The following GAB1 variants were observed in gnomAD, a reference collection of about 807,000 sequenced individuals.
GAB1 encodes GRB2-associated-binding protein 1.
In GAB1, 19 loss-of-function variants were observed where a neutral mutation model predicts 66.5. The observed-to-expected ratio is 0.29, with a 90% confidence interval of 0.20 to 0.42. The LOEUF (loss-of-function observed/expected upper bound fraction) is 0.42, where lower values mean the gene tolerates loss of function less well. Ranked by LOEUF, GAB1 falls within the 10% of genes least tolerant of loss-of-function variation. The probability of loss-of-function intolerance (pLI) is 1.00; values close to 1 mark genes in which losing one functional copy is unlikely to be tolerated. For synonymous variants in GAB1, 294 were observed against 301.4 expected, an observed-to-expected ratio of 0.98 and a Z score of 0.25; for missense variants, 732 against 858.5, an observed-to-expected ratio of 0.85 and a Z score of 1.84.
chr4:143,362,300 T>C lies in GAB1; in HGVS notation c.72+25040T>C, dbSNP rs565973324. ...TTTCGTAATAGCAGCATCCATATGTTACCAGAAAGGGGTCCTGAGCCAGAC... is the reference window on the plus strand; with the variant it reads ...TTTCGTAATAGCAGCATCCATATGTCACCAGAAAGGGGTCCTGAGCCAGAC... On this transcript the variant is annotated intron_variant, in intron 1 of 9. Coordinates refer to ENST00000262994, the MANE Select transcript of GAB1 (RefSeq NM_002039.4). 5.2e-4 allele frequency among the ~76,000 whole-genome samples: 79 copies of C among 152,256 alleles called. 1 individual carries two copies. The highest frequency in any genetic ancestry group is 1.2e-3 in the South Asian group (6 of 4,826).
intron 6 of GAB1, among the ~76,000 whole-genome samples, chr4:143,452,966 A>G (rs990037382): frequency 3.9e-5 from 6 of 152,214 alleles, no homozygotes; most frequent in African/African-American, 9.6e-5. Flanking sequence ...TTCTTCAGCA[A>G]TCAGTAAAAC....
rs539649773 is a variant in GAB1 at position 143,464,426 on chromosome 4, C to T, written c.1804-1677C>T. Among the ~76,000 whole-genome samples, 42 of 152,138 alleles carry T rather than the reference C, an allele frequency of 2.8e-4. 1 individual carries two copies. The South Asian group carries it at 7.7e-3, about 28-fold the overall frequency. ...GTAGTTTTTAGTAGAGACGGGGTTT[C>T]ACCATGTTGGCCAGGCTGGTCTCAA... On this transcript the variant is annotated intron_variant, in intron 8 of 9. Transcript: ENST00000262994.
chr4:143,445,899 C>T (rs994484523), intron 6 of GAB1, among the ~76,000 whole-genome samples: 11 of 152,052 alleles, frequency 7.2e-5, no homozygotes, highest in African/African-American at 2.7e-4. Flanking sequence ...CCCATTAACT[C>T]GTCATTTAAC....
intron 3 of GAB1, among the ~76,000 whole-genome samples, chr4:143,435,646 C>T (rs1291477969): frequency 2.6e-5 from 4 of 152,128 alleles, no homozygotes; most frequent in Non-Finnish European, 4.4e-5. Flanking sequence ...CCACTATGTG[C>T]CCAATATTAT....
intron 1 of GAB1, among the ~76,000 whole-genome samples, chr4:143,383,316 A>G (rs957895895): frequency 2.6e-5 from 4 of 152,200 alleles, no homozygotes; most frequent in South Asian, 2.1e-4. Flanking sequence ...TGAGATTTCT[A>G]TATATGATTT....
intron 1 of GAB1, among the ~76,000 whole-genome samples, chr4:143,367,328 G>T (rs1269253701): frequency 6.6e-6 from 1 of 152,114 alleles, no homozygotes; most frequent in Admixed American, 6.5e-5. Context: ...CCAATATCTG[G>T]TAGTGGGACT....
chr4:143,395,057 G>A (rs542359252), intron 1 of GAB1: 42 of 152,288 alleles, frequency 2.8e-4, no homozygotes, highest in African/African-American at 5.8e-4. Flanking sequence ...TTGCCCATAG[G>A]GACTGTGTTA....
chr4:143,362,929 T>A (rs1377434552), intron 1 of GAB1, among the ~76,000 whole-genome samples: 3 of 152,216 alleles, frequency 2.0e-5, no homozygotes, highest in Non-Finnish European at 4.4e-5. Flanking sequence ...CACATAGGCA[T>A]AATACTCTGT....
rs1472688963 is a variant in GAB1, at chr4:143,350,004, G to C, written c.72+12744G>C. 5.7e-6 allele frequency: 9 copies of C among 1,573,668 alleles called. No individual in the cohort carries two copies. In the African/African-American group the frequency reaches 1.2e-4, roughly 21 times the overall value. ...ACTCCTTATCCTCGGCCTTGCCTCCGCGACCCCGGCCCCGGATGCCACTGC... is the reference window on the plus strand; with the variant it reads ...ACTCCTTATCCTCGGCCTTGCCTCCCCGACCCCGGCCCCGGATGCCACTGC... On this transcript the variant is annotated intron_variant, in intron 1 of 9. Coordinates refer to ENST00000262994, the MANE Select transcript of GAB1 (RefSeq NM_002039.4).
intron 4 of GAB1, among the ~76,000 whole-genome samples, 198 bp downstream of exon 4, chr4:143,438,798 C>A (rs1734075611): frequency 6.6e-6 from 1 of 152,124 alleles, no homozygotes; most frequent in Non-Finnish European, 1.5e-5. Flanking sequence ...GTTTCTCACC[C>A]CTGAAGAAGT....
Position 143,415,596 on chromosome 4 carries a change from A to G in GAB1, c.192A>G (p.Leu64=). Residue 64 remains leucine, a synonymous_variant, in exon 2 of 10, where the codon TTA becomes TTG. Coordinates refer to ENST00000262994, the MANE Select transcript of GAB1 (RefSeq NM_002039.4). ...CTATTCGTATTATTGATTTAAATTT[A>G]TGTCAACAAGTAGATGCTGGATTGA... ...KKPIRIIDLN[L]CQQVDAGLTF... The G allele has an allele frequency of 1.9e-6, 3 of 1,613,904 alleles. No homozygotes were observed. The highest frequency in any genetic ancestry group is 2.5e-6 in the Non-Finnish European group (3 of 1,179,756).
At chr4:143,371,324 T>C (rs983325699) in intron 1 of GAB1, among the ~76,000 whole-genome samples, 4 of 152,236 alleles carry the variant, frequency 2.6e-5, no homozygotes, top group African/African-American at 9.7e-5. Context: ...TTTTCATGTG[T>C]CTGTTGGCTG....
At chr4:143,445,665 G>T (rs1734470623) in intron 6 of GAB1, among the ~76,000 whole-genome samples, 1 of 152,106 alleles carries the variant, frequency 6.6e-6, no homozygotes, top group South Asian at 2.1e-4. Context: ...CTAGTTTCTT[G>T]AGGGTTATTA....
chr4:143,395,360 G>A (rs1731391672), intron 1 of GAB1: 1 of 154,256 alleles, frequency 6.5e-6, no homozygotes, highest in East Asian at 1.9e-4. Context: ...GAATGAACAG[G>A]TTAAATGTAA....
chr4:143,399,409 A>G (rs369126826), intron 1 of GAB1, among the ~76,000 whole-genome samples: 37 of 152,310 alleles, frequency 2.4e-4, no homozygotes, highest in African/African-American at 7.7e-4. Flanking sequence ...TAACCTTTCT[A>G]TTTTTGAGTG....
At chr4:143,441,620 T>C (rs1381991443) in intron 6 of GAB1, among the ~76,000 whole-genome samples, 5 of 151,906 alleles carry the variant, frequency 3.3e-5, no homozygotes. Flanking sequence ...GGACTGTTGC[T>C]GTGTCCTGCT....
At position 143,375,058 on chromosome 4, in the gene GAB1, A is replaced by G. The variant is rs1300971192; in HGVS notation, c.72+37798A>G. On this transcript the variant is annotated intron_variant, in intron 1 of 9. Transcript: ENST00000262994. Reference sequence around the variant, plus strand: ...CGCCCCCTGGGCTCAAGGGATTCTCATGCTTCAGCCTCCTGAATAGCTGGA... The same window carrying G: ...CGCCCCCTGGGCTCAAGGGATTCTCGTGCTTCAGCCTCCTGAATAGCTGGA... Among the ~76,000 whole-genome samples the G allele has an allele frequency of 2.0e-5, 3 of 152,144 alleles. No individual in the cohort carries two copies. The East Asian group carries it at 5.8e-4, about 29-fold the overall frequency.
At chr4:143,439,506 G>C (rs12512923) in intron 4 of GAB1, 80,325 of 309,646 alleles carry the variant, frequency 0.26, 11,357 homozygotes, top group South Asian at 0.3. Flanking sequence ...CAAACGATGA[G>C]AAAATAGAGG....
intron 1 of GAB1, among the ~76,000 whole-genome samples, chr4:143,346,618 C>T (rs1728999642): frequency 6.6e-6 from 1 of 152,118 alleles, no homozygotes; most frequent in Non-Finnish European, 1.5e-5. Context: ...TGATGAGGAA[C>T]GATTACCTCA....
Sources: gnomAD v4.1 joint callset for allele counts (sites outside exome capture counted in the v4.1 genomes callset) on GRCh38, gnomAD v4.1.1 for gene constraint, MANE v1.5 for transcripts, NCBI Gene and HGNC (gene_info 2026-07-23, HGNC 2026-07-21) for gene names.